The following TEX15 variants were observed in gnomAD, a reference collection of about 807,000 sequenced individuals.
TEX15 encodes the protein testis expressed 15, meiosis and synapsis associated.
In TEX15, 171 loss-of-function variants were observed where a neutral mutation model predicts 237.3. That is an observed-to-expected ratio of 0.72 (90% CI 0.64 to 0.82). TEX15 has a LOEUF of 0.82. Among genes scored for constraint, TEX15 ranks in the 40% least tolerant of loss-of-function variants. The probability of loss-of-function intolerance (pLI) is 0.00; values close to 1 mark genes in which losing one functional copy is unlikely to be tolerated. For missense variants in TEX15, 3,750 were observed against 3,646.5 expected, an observed-to-expected ratio of 1.03 and a Z score of -0.73; for synonymous variants, 1,338 against 1,269.8, an observed-to-expected ratio of 1.05 and a Z score of -1.14.
chr8:30,859,878 CT>C (rs1563252880), intron 6 of TEX15, 32 bp downstream of exon 6: 8 of 1,359,430 alleles, frequency 5.9e-6, no homozygotes, highest in African/African-American at 1.5e-5. Context: ...GAAACATGTA[CT>C]TTTCAAGAAA....
At chr8:30,856,477 T>G (rs1461716522) in intron 7 of TEX15, among the ~76,000 whole-genome samples, 2 of 151,866 alleles carry the variant, frequency 1.3e-5, no homozygotes, top group African/African-American at 4.8e-5. Flanking sequence ...TTGCTTGAGC[T>G]TGGGAGGCGG....
Position 30,843,221 on chromosome 8 carries a change from C to T in TEX15, c.6946G>A (p.Asp2316Asn), listed in dbSNP as rs780265053. The T allele has an allele frequency of 5.1e-5, 82 of 1,613,298 alleles. No homozygotes were observed. The highest frequency in any genetic ancestry group is 5.1e-6 in the Non-Finnish European group (6 of 1,179,660). Residue 2316 changes from aspartate (D) to asparagine (N), a missense_variant, in exon 8 of 11, where the codon GAT (aspartate) becomes AAT (asparagine). Physicochemically the swap from Asp to Asn is conservative, Grantham distance 23 (BLOSUM62 1). Coordinates refer to ENST00000643185, the MANE Select transcript of TEX15 (RefSeq NM_001350162.2). ...CAFSKLQKIYDTLSKDLNNEP... is the reference protein window; with the variant it reads ...CAFSKLQKIYNTLSKDLNNEP... ...TTGTTTAAATCTTTAGACAAAGTAT[C>T]ATATATCTTCTGCAACTTAGAAAAG...
At chr8:30,892,229 A>G (rs1808808701) in intron 2 of TEX15, among the ~76,000 whole-genome samples, 1 of 152,238 alleles carries the variant, frequency 6.6e-6, no homozygotes, top group Non-Finnish European at 1.5e-5. Flanking sequence ...TCGAACTGCT[A>G]GCATTTTTTA....
intron 2 of TEX15, among the ~76,000 whole-genome samples, chr8:30,892,723 A>G (rs917302888): frequency 6.6e-6 from 1 of 152,120 alleles, no homozygotes; most frequent in Non-Finnish European, 1.5e-5. Flanking sequence ...AACTTATTGT[A>G]TTCACTACTA....
intron 1 of TEX15, among the ~76,000 whole-genome samples, chr8:30,902,088 C>G (rs79397815): frequency 0.04 from 6,145 of 152,250 alleles, 321 homozygotes; most frequent in Admixed American, 0.16. Flanking sequence ...AATCTAGAGG[C>G]TGGGCCCGGA....
intron 7 of TEX15, 61 bp downstream of exon 7, chr8:30,858,607 T>C (rs1807965476): frequency 1.9e-5 from 26 of 1,372,590 alleles, no homozygotes; most frequent in Admixed American, 6.9e-5. Context: ...CAGTAAATAA[T>C]ACTGAGAAAT....
chr8:30,884,383 C>G (rs963533699), intron 3 of TEX15, among the ~76,000 whole-genome samples: 3 of 152,194 alleles, frequency 2.0e-5, no homozygotes, highest in African/African-American at 7.2e-5. Flanking sequence ...CTACTTGTAT[C>G]TTCTGAAAGA....
intron 1 of TEX15, among the ~76,000 whole-genome samples, chr8:30,909,022 CA>C (rs1809165433): frequency 6.6e-6 from 1 of 152,160 alleles, no homozygotes; most frequent in Admixed American, 6.5e-5. Context: ...CCAGAGCTCA[CA>C]AGCTTACTTT....
chr8:30,887,028 A>C, intron 3 of TEX15, 139 bp downstream of exon 3: 1 of 664,434 alleles, frequency 1.5e-6, no homozygotes, highest in Non-Finnish European at 2.4e-6. Flanking sequence ...TGGAAACATA[A>C]GTACATGTAT....
Position 30,848,733 on chromosome 8 carries a change from G to A in TEX15, c.1434C>T (p.Ser478=), listed in dbSNP as rs1807693169. The A allele has an allele frequency of 3.1e-6, 5 of 1,614,114 alleles. No homozygotes were observed. The highest frequency in any genetic ancestry group is 4.2e-6 in the Non-Finnish European group (5 of 1,180,004). Residue 478 remains serine (S), a synonymous_variant, in exon 8 of 11, where the codon TCC becomes TCT. Transcript: ENST00000643185. ...AATCACCAGGGACAACTTCTGAGGA[G>A]GAGGCAGAATTAGATGGTGTCGATT... is the stretch of plus-strand genomic sequence containing the variant. ...EIKSTPSNSA[S]SSEVVPGDCA...
intron 2 of TEX15, among the ~76,000 whole-genome samples, chr8:30,890,103 C>T (rs556891156): frequency 1.3e-5 from 2 of 150,780 alleles, no homozygotes; most frequent in Non-Finnish European, 3.0e-5. Context: ...AATACATATA[C>T]CATGTACTTC....
chr8:30,898,079 T>G (rs974725060), intron 2 of TEX15, among the ~76,000 whole-genome samples: 1 of 152,218 alleles, frequency 6.6e-6, no homozygotes, highest in Non-Finnish European at 1.5e-5. Context: ...TTATTGAAAG[T>G]GTCAATACCT....
At chr8:30,856,690 T>C (rs1254222112) in intron 7 of TEX15, among the ~76,000 whole-genome samples, 6 of 152,044 alleles carry the variant, frequency 3.9e-5, no homozygotes, top group African/African-American at 1.4e-4. Flanking sequence ...TAAAACAAAA[T>C]AGCTATCATT....
In TEX15 at chr8:30,900,975, T is replaced by C. The variant is rs60799256; in HGVS notation, c.-85-2158A>G. On this transcript the variant is annotated intron_variant, in intron 1 of 10. Coordinates refer to ENST00000643185, the MANE Select transcript of TEX15 (RefSeq NM_001350162.2). ...GAGTTTGAGACCAGCTCGGGCAACATAGTGGGACCAAAAAGTTAAAAAATT... is the reference window on the plus strand; with the variant it reads ...GAGTTTGAGACCAGCTCGGGCAACACAGTGGGACCAAAAAGTTAAAAAATT... Among the ~76,000 whole-genome samples, 113 of 152,240 alleles carry C rather than the reference T, an allele frequency of 7.4e-4. No individual in the cohort carries two copies. In the East Asian group the frequency reaches 0.019, roughly 25 times the overall value.
chr8:30,910,240 G>C (rs1809190691), intron 1 of TEX15, among the ~76,000 whole-genome samples: 1 of 151,452 alleles, frequency 6.6e-6, no homozygotes, highest in Non-Finnish European at 1.5e-5. Flanking sequence ...AGTGACCTTC[G>C]GATCTCCTGA....
chr8:30,846,104 T>G lies in TEX15; in HGVS notation c.4063A>C (p.Lys1355Gln), dbSNP rs1318905637. ...ATATTTAGGACACTCTTAATGTGCT[T>G]TTCTGACTGTGAAAATGTTTTAATT... ...GRIKTFSQSE[K>Q]HIKSVLNILS... Residue 1355 changes from lysine (K) to glutamine (Q), a missense_variant, in exon 8 of 11, where the codon AAG (lysine) becomes CAG (glutamine). Coordinates refer to ENST00000643185, the MANE Select transcript of TEX15 (RefSeq NM_001350162.2). 1.9e-6 allele frequency: 3 copies of G among 1,613,494 alleles called. No homozygotes were observed. Among genetic ancestry groups the G allele is most frequent in the Non-Finnish European group, 2.5e-6 (3 of 1,179,602 alleles).
chr8:30,836,522 G>C, intron 10 of TEX15, among the ~76,000 whole-genome samples: 1 of 151,914 alleles, frequency 6.6e-6, no homozygotes, highest in East Asian at 1.9e-4. Flanking sequence ...CCACTGTATC[G>C]ATTAACTATA....
At position 30,849,993 on chromosome 8, in the gene TEX15, T is replaced by C. The variant is rs1402435433; in HGVS notation, c.851-677A>G. On this transcript the variant is annotated intron_variant, in intron 7 of 10. Coordinates refer to ENST00000643185, the MANE Select transcript of TEX15 (RefSeq NM_001350162.2). ...AGCTCTCTTATATTAATTTTCTATA[T>C]TCAGATGTTTAATAATAGCATGTAC... 3.3e-5 allele frequency among the ~76,000 whole-genome samples: 5 copies of C among 152,176 alleles called. No homozygotes were observed. The East Asian group carries it at 9.7e-4, about 29-fold the overall frequency.
chr8:30,888,607 A>C, intron 2 of TEX15: 1 of 1,288,230 alleles, frequency 7.8e-7, no homozygotes, highest in Non-Finnish European at 1.0e-6. Flanking sequence ...ACACACAGGG[A>C]AATATATATA....
Sources: allele counts gnomAD v4.1 joint callset (sites outside exome capture counted in the v4.1 genomes callset), GRCh38; gene constraint gnomAD v4.1.1; transcripts MANE v1.5; gene names NCBI Gene and HGNC (gene_info 2026-07-23, HGNC 2026-07-21).